Variants in CPA6 observed in about 807,000 individuals in gnomAD.
CPA6 encodes the protein carboxypeptidase B.
Under a neutral mutation model 63.3 loss-of-function variants are expected in CPA6, and 58 were observed. The ratio of observed to expected loss-of-function variants is 0.92; its 90% CI spans 0.74 to 1.14. The LOEUF (loss-of-function observed/expected upper bound fraction) is 1.14, where lower values mean the gene tolerates loss of function less well. Among genes scored for constraint, CPA6 ranks in the 50% most tolerant of loss-of-function variants. The probability of loss-of-function intolerance (pLI) is 0.00; values close to 1 mark genes in which losing one functional copy is unlikely to be tolerated. For synonymous variants in CPA6, 185 were observed against 179.0 expected (o/e 1.03, Z -0.27); for missense variants, 565 against 526.6 (o/e 1.07, Z -0.71).
At chr8:67,494,839 A>G (rs780189724) in intron 6 of CPA6, among the ~76,000 whole-genome samples, 9 of 152,148 alleles carry the variant, frequency 5.9e-5, no homozygotes, top group Non-Finnish European at 1.3e-4. Flanking sequence ...CTTACACACA[A>G]CTTTGTTACA....
intron 2 of CPA6, among the ~76,000 whole-genome samples, chr8:67,533,222 T>A (rs146573060): frequency 6.6e-6 from 1 of 152,306 alleles, no homozygotes; most frequent in African/African-American, 2.4e-5. Flanking sequence ...AGTCAGATCA[T>A]CATCTGCCTG....
At chr8:67,479,028 A>C (rs1811302430) in intron 8 of CPA6, among the ~76,000 whole-genome samples, 1 of 152,158 alleles carries the variant, frequency 6.6e-6, no homozygotes, top group African/African-American at 2.4e-5. Context: ...CTAAAAGAAA[A>C]GAAAAGAAAG....
chr8:67,544,558 C>G (rs1004881855), intron 2 of CPA6, among the ~76,000 whole-genome samples: 1 of 152,138 alleles, frequency 6.6e-6, no homozygotes, highest in Admixed American at 6.5e-5. Context: ...CCCATATCCT[C>G]GAGGAGTTGA....
chr8:67,433,070 A>G (rs1810063572), intron 9 of CPA6, among the ~76,000 whole-genome samples: 1 of 152,240 alleles, frequency 6.6e-6, no homozygotes, highest in African/African-American at 2.4e-5. Context: ...CTGGAAAAAG[A>G]CATCACACAT....
At chr8:67,607,228 CTTCTTCTTCTTCTT>C (rs1814681808) in intron 2 of CPA6, among the ~76,000 whole-genome samples, 4 of 116,108 alleles carry the variant, frequency 3.4e-5, no homozygotes, top group African/African-American at 7.0e-5. Context: ...TCTTCTTCTT[CTTCTTCTTCTTCTT>C]CTTCTTCTTC....
At chr8:67,524,310 C>T (rs958511009) in intron 2 of CPA6, among the ~76,000 whole-genome samples, 3 of 152,058 alleles carry the variant, frequency 2.0e-5, no homozygotes, top group Non-Finnish European at 4.4e-5. Context: ...TTCCTAGGGC[C>T]GTCATAACAA....
chr8:67,511,617 C>T lies in CPA6; in HGVS notation c.356G>A (p.Gly119Glu), dbSNP rs1242242400. Residue 119 changes from glycine (G) to glutamate (E), a missense_variant, in exon 4 of 11, where the codon GGA becomes GAA. Physicochemically the swap from Gly to Glu is moderately conservative, Grantham distance 98. Coordinates refer to ENST00000297770, the MANE Select transcript of CPA6 (RefSeq NM_020361.5). ...IEDLQKTLEK[G>E]SSLHTQRNRR... ...GTTTCTCTGGGTGTGCAAGCTGCTT[C>T]CCTTCTCCAGTGTTTTCTGAAGATC... 1.2e-6 allele frequency: 2 copies of T among 1,612,506 alleles called. No homozygotes were observed. The highest frequency in any genetic ancestry group is 8.5e-7 in the Non-Finnish European group (1 of 1,178,664).
chr8:67,654,197 A>G (rs927634228), intron 1 of CPA6, among the ~76,000 whole-genome samples: 51 of 152,266 alleles, frequency 3.3e-4, no homozygotes, highest in Non-Finnish European at 6.6e-4. Context: ...ATTGGTCTAA[A>G]ATTCTCTTTT....
intron 9 of CPA6, among the ~76,000 whole-genome samples, chr8:67,431,463 C>T (rs1025029068): frequency 2.0e-5 from 3 of 150,420 alleles, no homozygotes; most frequent in African/African-American, 7.3e-5. Flanking sequence ...AGGCTGCTCT[C>T]GAACTCCTGT....
At chr8:67,668,346 G>T (rs571505010) in intron 1 of CPA6, among the ~76,000 whole-genome samples, 1 of 152,242 alleles carries the variant, frequency 6.6e-6, no homozygotes, top group East Asian at 1.9e-4. Context: ...CTCAATAAAA[G>T]CTTCTACATC....
intron 6 of CPA6, among the ~76,000 whole-genome samples, chr8:67,496,803 C>T (rs547704811): frequency 1.4e-4 from 22 of 151,946 alleles, no homozygotes; most frequent in African/African-American, 5.3e-4. Flanking sequence ...TCATGATCTG[C>T]CCACCTTGGC....
intron 9 of CPA6, among the ~76,000 whole-genome samples, chr8:67,432,144 G>T (rs1302264128): frequency 6.6e-6 from 1 of 152,202 alleles, no homozygotes; most frequent in East Asian, 1.9e-4. Flanking sequence ...GCTTCAGGAT[G>T]CAGGGTGCTG....
At chr8:67,640,315 C>T (rs1228725103) in intron 1 of CPA6, among the ~76,000 whole-genome samples, 29 of 151,398 alleles carry the variant, frequency 1.9e-4, no homozygotes, top group Admixed American at 1.8e-3. Flanking sequence ...AGGCCAGCAT[C>T]GAGCTGCCTT....
chr8:67,684,790 G>A (rs1816677059), intron 1 of CPA6, among the ~76,000 whole-genome samples: 1 of 152,114 alleles, frequency 6.6e-6, no homozygotes, highest in Non-Finnish European at 1.5e-5. Flanking sequence ...GCCATCCTTA[G>A]TATCTGATCA....
intron 10 of CPA6, among the ~76,000 whole-genome samples, chr8:67,425,899 CTTTTTTT>C (rs910164836): frequency 3.0e-4 from 41 of 138,102 alleles, no homozygotes; most frequent in Non-Finnish European, 5.7e-4. Context: ...TTTTTCTTTT[CTTTTTTT>C]TTTTTTTTGA....
At chr8:67,573,212 C>T (rs916590150) in intron 2 of CPA6, among the ~76,000 whole-genome samples, 4 of 152,164 alleles carry the variant, frequency 2.6e-5, no homozygotes, top group African/African-American at 9.7e-5. Context: ...AGATCCTGAA[C>T]AAGGCAAGGA....
intron 6 of CPA6, among the ~76,000 whole-genome samples, chr8:67,488,317 C>T (rs923108211): frequency 5.9e-5 from 9 of 152,200 alleles, no homozygotes; most frequent in African/African-American, 2.2e-4. Flanking sequence ...GGAATCCTTT[C>T]CCCATTGCTT....
intron 8 of CPA6, among the ~76,000 whole-genome samples, chr8:67,466,048 C>T (rs1036879319): frequency 2.0e-5 from 3 of 147,694 alleles, no homozygotes; most frequent in Non-Finnish European, 4.4e-5. Flanking sequence ...CTTCTTCTGG[C>T]AGAATGTAGC....
At chr8:67,429,030 C>T (rs1809959065) in intron 9 of CPA6, among the ~76,000 whole-genome samples, 1 of 152,096 alleles carries the variant, frequency 6.6e-6, no homozygotes, top group African/African-American at 2.4e-5. Context: ...AATTAAGAAA[C>T]CCCTTAATTC....
Sources: gnomAD v4.1 joint callset for allele counts (sites outside exome capture counted in the v4.1 genomes callset) on GRCh38, gnomAD v4.1.1 for gene constraint, MANE v1.5 for transcripts, NCBI Gene and HGNC (gene_info 2026-07-23, HGNC 2026-07-21) for gene names.